The following KLHL14 variants were observed in gnomAD, a reference collection of about 807,000 sequenced individuals.
KLHL14 encodes the protein kelch like family member 14.
A neutral mutation model predicts 64.3 loss-of-function variants in KLHL14; 22 were observed. That is an observed-to-expected ratio of 0.34 (90% CI 0.24 to 0.49). The LOEUF is 0.49. Among genes scored for constraint, KLHL14 ranks in the 20% least tolerant of loss-of-function variants. KLHL14 has a pLI of 0.99. For missense variants in KLHL14, 661 were observed against 789.0 expected (o/e 0.84, Z 1.94); for synonymous variants, 322 against 333.4 (o/e 0.97, Z 0.37).
At chr18:32,682,605 T>C (rs2049847314) in intron 5 of KLHL14, among the ~76,000 whole-genome samples, 1 of 152,174 alleles carries the variant, frequency 6.6e-6, no homozygotes, top group African/African-American at 2.4e-5. Flanking sequence ...TATGAGGGAC[T>C]AAAAACTCAT....
At chr18:32,748,713 C>T (rs181715018) in intron 2 of KLHL14, among the ~76,000 whole-genome samples, 103 of 150,666 alleles carry the variant, frequency 6.8e-4, no homozygotes, top group Non-Finnish European at 5.9e-4. Context: ...TGGTCTCTGC[C>T]TCCTGACCTC....
intron 2 of KLHL14, among the ~76,000 whole-genome samples, chr18:32,754,875 G>C (rs1029829899): frequency 6.6e-6 from 1 of 152,178 alleles, no homozygotes. Flanking sequence ...AGGACTCAAC[G>C]TTTATTTTTA....
At chr18:32,685,056 C>T (rs899507541) in intron 5 of KLHL14, among the ~76,000 whole-genome samples, 1 of 151,952 alleles carries the variant, frequency 6.6e-6, no homozygotes, top group African/African-American at 2.4e-5. Context: ...AAAAAAACTT[C>T]TTTTACCAGG....
intron 2 of KLHL14, among the ~76,000 whole-genome samples, chr18:32,756,907 C>T (rs1229501939): frequency 1.3e-5 from 2 of 152,138 alleles, no homozygotes; most frequent in Non-Finnish European, 2.9e-5. Flanking sequence ...TTTCTGCATT[C>T]TTGGGATTTG....
chr18:32,693,771 C>T (rs1470484798), intron 4 of KLHL14, among the ~76,000 whole-genome samples: 1 of 152,116 alleles, frequency 6.6e-6, no homozygotes, highest in Admixed American at 6.5e-5. Context: ...TGCTGTTCCT[C>T]TCAGGGCTGG....
At chr18:32,716,935 A>G (rs1364372327) in intron 3 of KLHL14, among the ~76,000 whole-genome samples, 3 of 152,124 alleles carry the variant, frequency 2.0e-5, no homozygotes, top group African/African-American at 7.2e-5. Context: ...ATTTGTCCCA[A>G]TATCCTCATC....
intron 3 of KLHL14, among the ~76,000 whole-genome samples, chr18:32,708,684 G>A (rs17665516): frequency 0.21 from 31,836 of 152,202 alleles, 3,828 homozygotes; most frequent in Non-Finnish European, 0.27. Flanking sequence ...GGTCTAGAGA[G>A]GGTTGCATGA....
intron 4 of KLHL14, among the ~76,000 whole-genome samples, chr18:32,690,328 CA>C: frequency 6.6e-6 from 1 of 152,216 alleles, no homozygotes; most frequent in African/African-American, 2.4e-5. Flanking sequence ...GCAATAAAGA[CA>C]AAACAGAAAA....
chr18:32,691,886 C>T (rs919626969), intron 4 of KLHL14, among the ~76,000 whole-genome samples: 3 of 152,162 alleles, frequency 2.0e-5, no homozygotes, highest in South Asian at 4.1e-4. Context: ...TGTTGCTTAG[C>T]ACTTGGCTGA....
intron 2 of KLHL14, among the ~76,000 whole-genome samples, chr18:32,757,201 C>CA (rs1168611633): frequency 4.6e-5 from 7 of 152,190 alleles, no homozygotes; most frequent in African/African-American, 1.4e-4. Flanking sequence ...CATATCCACA[C>CA]ACTAGAAGCG....
intron 2 of KLHL14, among the ~76,000 whole-genome samples, chr18:32,747,344 A>G (rs1474851878): frequency 1.3e-5 from 2 of 152,206 alleles, no homozygotes; most frequent in African/African-American, 2.4e-5. Flanking sequence ...ATTGTAATAT[A>G]TAATAAAACA....
chr18:32,732,832 A>G (rs573244532), intron 3 of KLHL14, among the ~76,000 whole-genome samples: 38 of 152,356 alleles, frequency 2.5e-4, no homozygotes, highest in African/African-American at 9.1e-4. Context: ...ACTGAGATAG[A>G]AGAGTAGAAA....
At chr18:32,675,723 AC>A (rs1320075521) in intron 8 of KLHL14, among the ~76,000 whole-genome samples, 2 of 152,178 alleles carry the variant, frequency 1.3e-5, no homozygotes, top group African/African-American at 4.8e-5. Context: ...TAGGAAAAAA[AC>A]GAAAGACCCA....
chr18:32,673,147 C>T lies in KLHL14; in HGVS notation c.*1510G>A, dbSNP rs1156564469. The stretch of plus-strand genomic sequence containing the variant: ...TTGGATCTGAACATACAAATAAATA[C>T]AAAAACAACGAAGATTGCACTTTAC... On this transcript the variant is annotated 3_prime_UTR_variant, in exon 9 of 9. Transcript: ENST00000359358. 1 of 152,430 alleles carries T rather than the reference C, an allele frequency of 6.6e-6. No homozygotes were observed. The highest frequency in any genetic ancestry group is 6.6e-5 in the Admixed American group (1 of 15,244). 9.4% of individuals were successfully genotyped at this position (152,430 alleles called of 1,614,324 possible).
intron 2 of KLHL14, 78 bp downstream of exon 2, chr18:32,769,567 C>CG: frequency 2.7e-6 from 2 of 751,452 alleles, no homozygotes; most frequent in Non-Finnish European, 3.8e-6. Flanking sequence ...CTCTTCCCTC[C>CG]TCCCTGCCCC....
chr18:32,743,506 T>C, intron 2 of KLHL14: 1 of 152,208 alleles, frequency 6.6e-6, no homozygotes, highest in East Asian at 1.9e-4. Context: ...GAATTGTCCA[T>C]AGTAGACACT....
At chr18:32,718,099 CA>C (rs2050055414) in intron 3 of KLHL14, among the ~76,000 whole-genome samples, 1 of 152,180 alleles carries the variant, frequency 6.6e-6, no homozygotes, top group Non-Finnish European at 1.5e-5. Flanking sequence ...CTGGGTTATG[CA>C]ATAAATGATT....
intron 3 of KLHL14, among the ~76,000 whole-genome samples, chr18:32,696,910 A>G (rs567169022): frequency 6.6e-6 from 1 of 152,318 alleles, no homozygotes; most frequent in East Asian, 1.9e-4. Context: ...AAGGGATTTT[A>G]GGAGTTTTGT....
intron 2 of KLHL14, among the ~76,000 whole-genome samples, chr18:32,765,233 A>C (rs1162868287): frequency 6.6e-6 from 1 of 152,236 alleles, no homozygotes; most frequent in East Asian, 1.9e-4. Flanking sequence ...AGTTGTAAAT[A>C]AGGTAACACA....
Sources: gnomAD v4.1 joint callset for allele counts (sites outside exome capture counted in the v4.1 genomes callset) on GRCh38, gnomAD v4.1.1 for gene constraint, MANE v1.5 for transcripts, NCBI Gene and HGNC (gene_info 2026-07-23, HGNC 2026-07-21) for gene names.